The following HLF variants were observed in gnomAD, a reference collection of about 807,000 sequenced individuals.
HLF encodes HLF transcription factor, PAR bZIP family member, also known as hepatic leukemia factor.
In HLF, 3 loss-of-function variants were observed where a neutral mutation model predicts 22.6. The ratio of observed to expected loss-of-function variants is 0.13; its 90% CI spans 0.06 to 0.34. The LOEUF is 0.34. Among genes scored for constraint, HLF ranks in the 10% least tolerant of loss-of-function variants. The pLI is 1.00. For missense variants in HLF, 299 were observed against 389.2 expected, an observed-to-expected ratio of 0.77 and a Z score of 1.95; for synonymous variants, 151 against 151.8, an observed-to-expected ratio of 0.99 and a Z score of 0.04.
chr17:55,282,026 T>G (rs2080959700), intron 2 of HLF, among the ~76,000 whole-genome samples: 1 of 152,216 alleles, frequency 6.6e-6, no homozygotes, highest in Non-Finnish European at 1.5e-5. Context: ...AGGAAACTTT[T>G]GAGCAAGTCA....
intron 2 of HLF, chr17:55,288,815 G>C: frequency 2.3e-6 from 1 of 437,486 alleles, no homozygotes; most frequent in Non-Finnish European, 3.0e-6. Context: ...TTTCAGAGAA[G>C]AGGATTTAGA....
At chr17:55,297,961 G>T (rs899469393) in intron 2 of HLF, among the ~76,000 whole-genome samples, 1 of 151,796 alleles carries the variant, frequency 6.6e-6, no homozygotes, top group African/African-American at 2.4e-5. Flanking sequence ...TGTTGGTTGG[G>T]CTGGTCTCGA....
intron 2 of HLF, among the ~76,000 whole-genome samples, chr17:55,305,236 T>C (rs1381750634): frequency 3.9e-5 from 6 of 152,188 alleles, no homozygotes; most frequent in Non-Finnish European, 8.8e-5. Context: ...AGATGTAGCA[T>C]TGACAGGAGC....
Position 55,324,159 on chromosome 17 carries a change from C to G in HLF, c.*3280C>G, listed in dbSNP as rs548435935. 4.4e-6 allele frequency: 1 copy of G among 225,040 alleles called. No individual in the cohort carries two copies. Among genetic ancestry groups the G allele is most frequent in the Non-Finnish European group, 8.9e-6 (1 of 112,918 alleles). 13.9% of individuals were successfully genotyped at this position (225,040 alleles called of 1,614,324 possible). ...GCCTTTTGTCTTCAAATACAACAGGCCTCCACTGACCCATCCCTCAAAGCA... is the reference window on the plus strand; with the variant it reads ...GCCTTTTGTCTTCAAATACAACAGGGCTCCACTGACCCATCCCTCAAAGCA... On this transcript the variant is annotated 3_prime_UTR_variant, in exon 4 of 4. Transcript: ENST00000226067.
Position 55,265,006 on chromosome 17 carries a change from C to G in HLF, c.-479C>G, listed in dbSNP as rs1327105993. ...CATGGGCGGCCGGATGCGCTGAGCC[C>G]GGCGCTGCGGGGCCGCGGAGCGCTG... On this transcript the variant is annotated 5_prime_UTR_variant, in exon 1 of 4. Coordinates refer to ENST00000226067, the MANE Select transcript of HLF (RefSeq NM_002126.5). 2 of 168,078 alleles carry G rather than the reference C, an allele frequency of 1.2e-5. No individual in the cohort carries two copies. Among genetic ancestry groups the G allele is most frequent in the African/African-American group, 5.1e-5 (2 of 39,220 alleles). The allele number at this position is 168,078 out of a possible 1,614,324, so 10.4% of individuals were successfully genotyped here.
intron 2 of HLF, among the ~76,000 whole-genome samples, chr17:55,298,071 T>C (rs1346330926): frequency 1.3e-5 from 2 of 152,080 alleles, no homozygotes; most frequent in Admixed American, 6.6e-5. Flanking sequence ...CTTTTCCTGT[T>C]TGAAGAAACT....
intron 2 of HLF, among the ~76,000 whole-genome samples, chr17:55,307,939 G>A (rs1347482172): frequency 3.9e-5 from 6 of 152,042 alleles, no homozygotes; most frequent in African/African-American, 9.7e-5. Flanking sequence ...TCTACATAAC[G>A]TAGGAGGACT....
At chr17:55,307,073 T>G (rs1204696514) in intron 2 of HLF, among the ~76,000 whole-genome samples, 1 of 151,388 alleles carries the variant, frequency 6.6e-6, no homozygotes, top group Non-Finnish European at 1.5e-5. Flanking sequence ...TTTTTTTTTT[T>G]CCTCATCCCA....
At chr17:55,309,394 A>G (rs1300310786) in intron 2 of HLF, among the ~76,000 whole-genome samples, 1 of 152,188 alleles carries the variant, frequency 6.6e-6, no homozygotes, top group Non-Finnish European at 1.5e-5. Flanking sequence ...CCCTGAATGT[A>G]AAAGGATTTT....
chr17:55,302,726 C>T (rs1353100571), intron 2 of HLF, among the ~76,000 whole-genome samples: 1 of 152,170 alleles, frequency 6.6e-6, no homozygotes, highest in Admixed American at 6.5e-5. Flanking sequence ...TTTCAAATAA[C>T]TAGGCCTGCA....
intron 2 of HLF, among the ~76,000 whole-genome samples, chr17:55,297,891 A>G (rs2081124060): frequency 6.6e-6 from 1 of 151,810 alleles, no homozygotes; most frequent in African/African-American, 2.4e-5. Flanking sequence ...TTAAGATTAC[A>G]GGTGCCCACC....
intron 2 of HLF, among the ~76,000 whole-genome samples, chr17:55,296,293 G>T (rs2081111173): frequency 6.6e-6 from 1 of 152,120 alleles, no homozygotes; most frequent in African/African-American, 2.4e-5. Flanking sequence ...TTTTTTAAAA[G>T]AAATTTAAAC....
chr17:55,296,839 T>A (rs2081115692), intron 2 of HLF, among the ~76,000 whole-genome samples: 2 of 148,344 alleles, frequency 1.3e-5, no homozygotes, highest in Admixed American at 1.3e-4. Context: ...TCAAAAAAAT[T>A]TTTTTTTTTT....
In HLF at chr17:55,320,357, A is replaced by G. The variant is rs956576938; in HGVS notation, c.673-307A>G. On this transcript the variant is annotated intron_variant, in intron 3 of 3. Coordinates refer to ENST00000226067, the MANE Select transcript of HLF (RefSeq NM_002126.5). This position sits in a 1 kb window ranked among gnomAD's most constrained non-coding sequence, Gnocchi z 4.2. ...GGAGAGTAAAGAAAGTTGAAATGTAATTTAAGGGTGAGGTGAGCCACCTGC... is the reference window on the plus strand; with the variant it reads ...GGAGAGTAAAGAAAGTTGAAATGTAGTTTAAGGGTGAGGTGAGCCACCTGC... 6.6e-6 allele frequency among the ~76,000 whole-genome samples: 1 copy of G among 152,196 alleles called. No homozygotes were observed. Among genetic ancestry groups the G allele is most frequent in the African/African-American group, 2.4e-5 (1 of 41,450 alleles).
Position 55,321,123 on chromosome 17 carries a change from C to T in HLF, c.*244C>T, listed in dbSNP as rs377050749. 2.4e-5 allele frequency: 11 copies of T among 461,980 alleles called. No individual in the cohort carries two copies. The highest frequency in any genetic ancestry group is 3.7e-5 in the East Asian group (1 of 27,164). 28.6% of individuals were successfully genotyped at this position (461,980 alleles called of 1,614,324 possible). A position where few individuals can be genotyped will look rare whatever the true frequency, so the allele number is the denominator to read the frequency against. On this transcript the variant is annotated 3_prime_UTR_variant, in exon 4 of 4. Coordinates refer to ENST00000226067, the MANE Select transcript of HLF (RefSeq NM_002126.5). ...TGCCATTTTAAGGTAGCCCTCTCAT[C>T]GTCTTTTAGTTCCAACAAAGAAAGG...
chr17:55,270,031 T>G (rs550197349), intron 2 of HLF, among the ~76,000 whole-genome samples: 2 of 152,334 alleles, frequency 1.3e-5, no homozygotes, highest in East Asian at 3.9e-4. Flanking sequence ...GTTTTGGGAT[T>G]TGAAGCAGCT....
intron 2 of HLF, chr17:55,273,737 G>A (rs565160739): frequency 6.6e-6 from 1 of 151,214 alleles, no homozygotes; most frequent in African/African-American, 2.4e-5. Context: ...GCCCAACGCT[G>A]TGTGGTGTGC....
At chr17:55,282,560 G>C (rs888277011) in intron 2 of HLF, among the ~76,000 whole-genome samples, 15 of 152,218 alleles carry the variant, frequency 9.9e-5, no homozygotes, top group Admixed American at 5.2e-4. Context: ...AGGTAGGCCA[G>C]TTCCAAAGAG....
chr17:55,311,434 G>C (rs1427529600), intron 2 of HLF, among the ~76,000 whole-genome samples: 1 of 152,118 alleles, frequency 6.6e-6, no homozygotes, highest in Admixed American at 6.5e-5. Flanking sequence ...AATCCAGGGG[G>C]TGGAGGTTGC....
Sources: allele counts gnomAD v4.1 joint callset (sites outside exome capture counted in the v4.1 genomes callset), GRCh38; gene constraint gnomAD v4.1.1; non-coding constraint Gnocchi (gnomAD v3.1); transcripts MANE v1.5; gene names NCBI Gene and HGNC (gene_info 2026-07-23, HGNC 2026-07-21).